The following PCDHGA4 variants were observed in gnomAD, a reference collection of about 807,000 sequenced individuals.
PCDHGA4 encodes protocadherin gamma subfamily A, 4.
PCDHGA4 carries 38 observed loss-of-function variants against 54.6 expected under a neutral mutation model. The ratio of observed to expected loss-of-function variants is 0.70; its 90% CI spans 0.54 to 0.91. PCDHGA4 has a LOEUF of 0.91. Among genes scored for constraint, PCDHGA4 ranks in the 40% least tolerant of loss-of-function variants. The probability of loss-of-function intolerance (pLI) is 0.00; values close to 1 mark genes in which losing one functional copy is unlikely to be tolerated. For missense variants in PCDHGA4, 1,298 were observed against 1,220.9 expected (o/e 1.06, Z -0.94); for synonymous variants, 511 against 512.9 (o/e 1.00, Z 0.05).
chr5:141,496,802 A>G (rs1483438160), intron 2 of PCDHGA4, among the ~76,000 whole-genome samples: 1 of 152,050 alleles, frequency 6.6e-6, no homozygotes, highest in Admixed American at 6.6e-5. Flanking sequence ...ACATTGGGCT[A>G]TAGGAGTGAA....
intron 1 of PCDHGA4, chr5:141,400,525 G>T: frequency 1.2e-6 from 2 of 1,613,908 alleles, no homozygotes; most frequent in Non-Finnish European, 1.7e-6. Flanking sequence ...TCCTGAGTTG[G>T]TGAGTTTCAT....
chr5:141,387,071 C>T (rs1487403463), intron 1 of PCDHGA4, among the ~76,000 whole-genome samples: 2 of 152,172 alleles, frequency 1.3e-5, no homozygotes, highest in African/African-American at 4.8e-5. Flanking sequence ...GAGGAGTAGG[C>T]TACTGCCTGT....
rs186484297 is a variant in PCDHGA4 at position 141,453,739 on chromosome 5, A to G, written c.2515-41068A>G. ...TAAAAATATTTGTTACTACAGCTTA[A>G]ATAACATAAGTCTCCTAAAAATAAT... On this transcript the variant is annotated intron_variant, in intron 1 of 3. Coordinates refer to ENST00000571252, the MANE Select transcript of PCDHGA4 (RefSeq NM_018917.4). Among the ~76,000 whole-genome samples, 2 of 152,370 alleles carry G rather than the reference A, an allele frequency of 1.3e-5. 1 individual carries two copies. Among genetic ancestry groups the G allele is most frequent in the Admixed American group, 1.3e-4 (2 of 15,300 alleles).
intron 1 of PCDHGA4, among the ~76,000 whole-genome samples, chr5:141,437,990 C>G (rs1298325497): frequency 1.3e-5 from 2 of 152,148 alleles, no homozygotes; most frequent in Non-Finnish European, 2.9e-5. Flanking sequence ...CCCACCCCAC[C>G]TCAGCCTCCC....
At position 141,486,706 on chromosome 5, in the gene PCDHGA4, C is replaced by G; in HGVS notation, c.2515-8101C>G. 6.2e-7 allele frequency: 1 copy of G among 1,614,154 alleles called. No homozygotes were observed. Among genetic ancestry groups the G allele is most frequent in the Non-Finnish European group, 8.5e-7 (1 of 1,180,024 alleles). ...CAGCTTCCTCTTTCATCTCTCTGAA[C>G]CCCCAGACAGGAGCTGTTCATGCTA... On this transcript the variant is annotated intron_variant, in intron 1 of 3. Coordinates refer to ENST00000571252, the MANE Select transcript of PCDHGA4 (RefSeq NM_018917.4). This position sits in a 1 kb window ranked among gnomAD's most constrained non-coding sequence, Gnocchi z 5.0.
At chr5:141,415,264 C>G (rs1342050986) in intron 1 of PCDHGA4, 2 of 1,614,210 alleles carry the variant, frequency 1.2e-6, no homozygotes, top group Non-Finnish European at 1.7e-6. Flanking sequence ...CACTCTGTAC[C>G]TGGTGGTAGC....
chr5:141,434,802 G>A (rs1009500775), intron 1 of PCDHGA4, among the ~76,000 whole-genome samples: 10 of 151,488 alleles, frequency 6.6e-5, no homozygotes, highest in African/African-American at 2.4e-4. Flanking sequence ...TTCTGAGCTT[G>A]GAGAAATATA....
In PCDHGA4 at chr5:141,476,877, T is replaced by C. The variant is rs2099400648; in HGVS notation, c.2515-17930T>C. ...CAGTCCTTGTACCGGGCGCGCGTCC[T>C]GGAGGATGCACCCTCCGGCACGCGC... On this transcript the variant is annotated intron_variant, in intron 1 of 3. Transcript: ENST00000571252. This position sits in a 1 kb window ranked among gnomAD's most constrained non-coding sequence, Gnocchi z 7.6. 4.3e-6 allele frequency: 7 copies of C among 1,613,954 alleles called. No homozygotes were observed. The highest frequency in any genetic ancestry group is 5.9e-6 in the Non-Finnish European group (7 of 1,180,038).
intron 1 of PCDHGA4, chr5:141,412,984 C>G: frequency 1.8e-6 from 1 of 558,874 alleles, no homozygotes; most frequent in Non-Finnish European, 3.0e-6. Flanking sequence ...GCAGCCAGAG[C>G]TCAATCCGGA....
intron 1 of PCDHGA4, among the ~76,000 whole-genome samples, chr5:141,450,666 T>G (rs1434496607): frequency 6.6e-6 from 1 of 151,890 alleles, no homozygotes; most frequent in African/African-American, 2.4e-5. Context: ...TTTGTACTTT[T>G]AGTAGAAACG....
chr5:141,433,347 CCTA>C, intron 1 of PCDHGA4: 1 of 626,716 alleles, frequency 1.6e-6, no homozygotes, highest in South Asian at 2.0e-5. Flanking sequence ...GTGCAAGCCA[CCTA>C]CTGTCTGCCT....
intron 1 of PCDHGA4, chr5:141,385,087 G>C: frequency 6.2e-7 from 1 of 1,614,234 alleles, no homozygotes; most frequent in Non-Finnish European, 8.5e-7. Flanking sequence ...GGCTTCAGAA[G>C]GTGGCTTGGC....
rs2099694919 is a variant in PCDHGA4, at chr5:141,490,016, C to T, written c.2515-4791C>T. The T allele has an allele frequency of 6.2e-7, 1 of 1,614,158 alleles. No individual in the cohort carries two copies. The highest frequency in any genetic ancestry group is 8.5e-7 in the Non-Finnish European group (1 of 1,180,060). On this transcript the variant is annotated intron_variant, in intron 1 of 3. Transcript: ENST00000571252. This position sits in a 1 kb window ranked among gnomAD's most constrained non-coding sequence, Gnocchi z 5.4. ...ATCCCAGAGAATGCACCCATTGGTACTCTGCTGCTCCGCCTCAATGCCACT... is the reference window on the plus strand; with the variant it reads ...ATCCCAGAGAATGCACCCATTGGTATTCTGCTGCTCCGCCTCAATGCCACT...
intron 2 of PCDHGA4, among the ~76,000 whole-genome samples, chr5:141,502,352 C>G (rs544911376): frequency 3.2e-4 from 49 of 151,888 alleles, no homozygotes; most frequent in African/African-American, 1.2e-3. Flanking sequence ...TTTTTAATGA[C>G]ATGGATATTT....
intron 1 of PCDHGA4, chr5:141,384,871 G>C (rs769607351): frequency 6.2e-7 from 1 of 1,613,766 alleles, no homozygotes; most frequent in Non-Finnish European, 8.5e-7. Context: ...GTCAGCCACC[G>C]TCACACTCAC....
intron 1 of PCDHGA4, among the ~76,000 whole-genome samples, chr5:141,462,839 T>C (rs1020663897): frequency 8.5e-5 from 13 of 152,228 alleles, no homozygotes; most frequent in Non-Finnish European, 1.5e-4. Context: ...GTAAATGTTA[T>C]ATTTTTGAGT....
At chr5:141,413,081 C>CAG in intron 1 of PCDHGA4, 1 of 1,339,426 alleles carries the variant, frequency 7.5e-7, no homozygotes, top group South Asian at 1.5e-5. Flanking sequence ...GCCCAGGCTA[C>CAG]AGAGACACCC....
rs773471969 is a variant in PCDHGA4, at chr5:141,422,101, A to G, written c.2514+64480A>G. 11 of 1,610,046 alleles carry G rather than the reference A, an allele frequency of 6.8e-6. No individual in the cohort carries two copies. The highest frequency in any genetic ancestry group is 4.5e-5 in the East Asian group (2 of 44,870). ...GAACATGGAAAGCAAGGCTTCTGAA[A>G]TATTCCAATTGGATTCACAAACTGG... On this transcript the variant is annotated intron_variant, in intron 1 of 3. Coordinates refer to ENST00000571252, the MANE Select transcript of PCDHGA4 (RefSeq NM_018917.4).
intron 1 of PCDHGA4, chr5:141,385,224 T>C (rs751833387): frequency 1.2e-6 from 2 of 1,614,206 alleles, no homozygotes; most frequent in Non-Finnish European, 1.7e-6. Context: ...AGCCCAACTA[T>C]GTAGACATGC....
Sources: gnomAD v4.1 joint callset for allele counts (sites outside exome capture counted in the v4.1 genomes callset) on GRCh38, gnomAD v4.1.1 for gene constraint, Gnocchi (gnomAD v3.1) non-coding constraint, MANE v1.5 for transcripts, NCBI Gene and HGNC (gene_info 2026-07-23, HGNC 2026-07-21) for gene names.